Variants in SLC25A29 observed in about 807,000 individuals in gnomAD.
The protein encoded by SLC25A29 is mitochondrial basic amino acids transporter.
Under a neutral mutation model 10.0 loss-of-function variants are expected in SLC25A29, and 13 were observed. That is an observed-to-expected ratio of 1.30 (90% CI 0.85 to 2.07). SLC25A29 has a LOEUF of 2.07. SLC25A29 is among the 30% of genes most tolerant of loss of function. The pLI, the probability that SLC25A29 is intolerant of heterozygous loss-of-function variation, is 0.00. For missense variants in SLC25A29, 475 were observed against 447.6 expected, an observed-to-expected ratio of 1.06 and a Z score of -0.55; for synonymous variants, 244 against 221.1, an observed-to-expected ratio of 1.10 and a Z score of -0.92.
At chr14:100,306,087 C>T in intron 1 of SLC25A29, 112 bp downstream of exon 1, 1 of 762,210 alleles carries the variant, frequency 1.3e-6, no homozygotes, top group East Asian at 3.5e-5. Context: ...TCCCCATTCA[C>T]AGACGCGGCG....
Position 100,291,843 on chromosome 14 carries a change from C to G in SLC25A29, c.*440G>C, listed in dbSNP as rs1229632970. 8.3e-6 allele frequency: 2 copies of G among 242,296 alleles called. No homozygotes were observed. Among genetic ancestry groups the G allele is most frequent in the African/African-American group, 2.4e-5 (1 of 42,082 alleles). 15.0% of individuals were successfully genotyped at this position (242,296 alleles called of 1,614,324 possible). ...GACCAGAGGGGTGGCCCACCACCCC[C>G]CCGGGTGGAGGATGTGTGGAGTTAG... is the stretch of plus-strand genomic sequence containing the variant. On this transcript the variant is annotated 3_prime_UTR_variant, in exon 4 of 4. Transcript: ENST00000359232.
the SLC25A29 span, among the ~76,000 whole-genome samples, chr14:100,285,413 G>T: frequency 3.3e-5 from 5 of 151,672 alleles, no homozygotes; most frequent in Non-Finnish European, 5.9e-5. Context: ...CGCCGCCGCC[G>T]GCCGCAGGAG....
chr14:100,303,562 G>A (rs1280712096), intron 1 of SLC25A29, among the ~76,000 whole-genome samples: 1 of 152,234 alleles, frequency 6.6e-6, no homozygotes, highest in African/African-American at 2.4e-5. Flanking sequence ...CCTTCGGCGA[G>A]GGGCTTGGTC....
downstream of SLC25A29, among the ~76,000 whole-genome samples, chr14:100,288,382 C>CCAAA (rs1555371815): frequency 6.3e-5 from 4 of 63,832 alleles, no homozygotes; most frequent in African/African-American, 2.7e-4. Context: ...AACTCTATCT[C>CCAAA]AAAAAAAAAA....
chr14:100,302,169 C>T (rs922801685), intron 1 of SLC25A29, among the ~76,000 whole-genome samples: 1 of 151,956 alleles, frequency 6.6e-6, no homozygotes, highest in Non-Finnish European at 1.5e-5. Context: ...TTTCAGCCTC[C>T]CGAATAGCTG....
rs975545825 is a variant in SLC25A29 at position 100,293,308 on chromosome 14, T to A, written c.148A>T (p.Ile50Phe). The A allele has an allele frequency of 6.2e-7, 1 of 1,613,300 alleles. No individual in the cohort carries two copies. Among genetic ancestry groups the A allele is most frequent in the South Asian group, 1.1e-5 (1 of 91,050 alleles). ...RGTLHCFKSI[I>F]KQESVLGLYK... ...AGGCCACTCACGCTCTCTTGCTTGA[T>A]GATGGACTTGAAGCAGTGCAACGTC... The change falls in exon 3 of 4, where the codon ATC becomes TTC. Residue 50 changes from isoleucine (I) to phenylalanine (F), a missense_variant. By Grantham distance (21) the Ile-to-Phe change is conservative (BLOSUM62 0). Transcript: ENST00000359232.
downstream of SLC25A29, among the ~76,000 whole-genome samples, chr14:100,288,009 C>G (rs1233760595): frequency 6.6e-6 from 1 of 152,162 alleles, no homozygotes; most frequent in Non-Finnish European, 1.5e-5. Context: ...GACCAGAGGT[C>G]AAGGGGTGTG....
Position 100,292,887 on chromosome 14 carries a change from C to G in SLC25A29, c.308G>C (p.Gly103Ala). Residue 103 changes from glycine to alanine, a missense_variant, in exon 4 of 4, where the codon GGC (glycine) becomes GCC (alanine). Gly to Ala is a moderately conservative substitution (Grantham distance 60). Transcript: ENST00000359232. ...LNQFLAGAAA[G>A]AIQCVICCPM... Reference sequence around the variant, plus strand: ...GCAGCAGATGACGCACTGGATGGCGCCCGCCGCCGCACCTGCCAGGAACTG... The same window carrying G: ...GCAGCAGATGACGCACTGGATGGCGGCCGCCGCCGCACCTGCCAGGAACTG... 1 of 1,603,626 alleles carries G rather than the reference C, an allele frequency of 6.2e-7. No individual in the cohort carries two copies. Among genetic ancestry groups the G allele is most frequent in the Non-Finnish European group, 8.5e-7 (1 of 1,176,676 alleles).
chr14:100,301,202 T>G (rs1450317202), intron 1 of SLC25A29, among the ~76,000 whole-genome samples: 1 of 151,606 alleles, frequency 6.6e-6, no homozygotes, highest in Non-Finnish European at 1.5e-5. Context: ...CCTGGCCTAT[T>G]CCCTTTCTTT....
chr14:100,293,197 C>A, intron 3 of SLC25A29, 97 bp downstream of exon 3: 1 of 1,503,022 alleles, frequency 6.7e-7, no homozygotes. Context: ...GTCGTCCTGA[C>A]ACCTTCCTTC....
chr14:100,304,759 C>T (rs1040955547), intron 1 of SLC25A29, among the ~76,000 whole-genome samples: 13 of 152,190 alleles, frequency 8.5e-5, no homozygotes, highest in Non-Finnish European at 1.0e-4. Context: ...TGCCGGGAGG[C>T]GCCAAGCAGG....
the SLC25A29 span, among the ~76,000 whole-genome samples, chr14:100,285,111 C>A: frequency 2.6e-5 from 4 of 152,056 alleles, no homozygotes; most frequent in Non-Finnish European, 5.9e-5. Context: ...GAGCACGCCC[C>A]TCAGGTGTTT....
chr14:100,290,906 G>A (rs1358358947), downstream of SLC25A29, among the ~76,000 whole-genome samples: 1 of 152,238 alleles, frequency 6.6e-6, no homozygotes, highest in Non-Finnish European at 1.5e-5. Flanking sequence ...GAATGGCCAG[G>A]CTGCACCAGC....
At position 100,292,538 on chromosome 14, in the gene SLC25A29, C is replaced by T. The variant is rs754924217; in HGVS notation, c.657G>A (p.Ala219=). 1.3e-6 allele frequency: 2 copies of T among 1,597,114 alleles called. No individual in the cohort carries two copies. The highest frequency in any genetic ancestry group is 1.3e-5 in the African/African-American group (1 of 74,762). Residue 219 remains alanine, a synonymous_variant, in exon 4 of 4, where the codon GCG becomes GCA. Transcript: ENST00000359232. The part of the protein sequence containing the change: ...PVDVVKSRLQ[A]DGLRGAPRYR... Reference sequence around the variant, plus strand: ...AGCGCGGGGCGCCCCGCAGTCCGTCCGCCTGCAGCCGCGACTTGACCACGT... The same window carrying T: ...AGCGCGGGGCGCCCCGCAGTCCGTCTGCCTGCAGCCGCGACTTGACCACGT...
intron 2 of SLC25A29, among the ~76,000 whole-genome samples, chr14:100,296,896 C>G (rs1892199042): frequency 6.6e-6 from 1 of 151,928 alleles, no homozygotes; most frequent in African/African-American, 2.4e-5. Flanking sequence ...CTAGCCTGGC[C>G]AGGATGTGTG....
chr14:100,295,747 C>T (rs866641356), intron 2 of SLC25A29: 2 of 1,289,494 alleles, frequency 1.6e-6, no homozygotes, highest in South Asian at 1.2e-5. Flanking sequence ...TTCAACATCA[C>T]ATCCAGGCGC....
chr14:100,306,036 A>G (rs1421824577), intron 1 of SLC25A29, among the ~76,000 whole-genome samples, 163 bp downstream of exon 1: 2 of 151,930 alleles, frequency 1.3e-5, no homozygotes, highest in African/African-American at 4.8e-5. Context: ...CCTGAAGTCA[A>G]TTTACGCCCA....
chr14:100,293,223 G>C (rs567898975), intron 3 of SLC25A29, 71 bp downstream of exon 3: 1 of 1,549,442 alleles, frequency 6.5e-7, no homozygotes, highest in Non-Finnish European at 8.8e-7. Context: ...TCTCTGGTCT[G>C]GGGTGGTGGC....
Position 100,292,873 on chromosome 14 carries a change from C to G in SLC25A29, c.322G>C (p.Val108Leu), listed in dbSNP as rs779841386. ...GCCAGCTCCATGGGGCAGCAGATGA[C>G]GCACTGGATGGCGCCCGCCGCCGCA... The part of the protein sequence containing the change: ...AGAAAGAIQC[V>L]ICCPMELAKT... The change falls in exon 4 of 4, where the codon GTC (valine) becomes CTC (leucine). Residue 108 changes from valine to leucine, a missense_variant. Transcript: ENST00000359232. 1 of 1,601,616 alleles carries G rather than the reference C, an allele frequency of 6.2e-7. No individual in the cohort carries two copies. The highest frequency in any genetic ancestry group is 2.3e-5 in the East Asian group (1 of 44,372).
Sources: gnomAD v4.1 joint callset for allele counts (sites outside exome capture counted in the v4.1 genomes callset) on GRCh38, gnomAD v4.1.1 for gene constraint, MANE v1.5 for transcripts, NCBI Gene and HGNC (gene_info 2026-07-23, HGNC 2026-07-21) for gene names.